The following ABHD2 variants were observed in gnomAD, a reference collection of about 807,000 sequenced individuals.
ABHD2 encodes monoacylglycerol lipase ABHD2.
In ABHD2, 20 loss-of-function variants were observed where a neutral mutation model predicts 48.1. That is an observed-to-expected ratio of 0.42 (90% confidence interval 0.29 to 0.60). ABHD2 has a LOEUF of 0.60. ABHD2 is among the 20% of genes least tolerant of loss of function. The probability of loss-of-function intolerance (pLI) is 0.24; values close to 1 mark genes in which losing one functional copy is unlikely to be tolerated. For missense variants in ABHD2, 405 were observed against 550.9 expected, an observed-to-expected ratio of 0.74 and a Z score of 2.65; for synonymous variants, 209 against 214.2, an observed-to-expected ratio of 0.98 and a Z score of 0.21.
rs757452297 is a variant in ABHD2 at position 89,186,287 on chromosome 15, C to T, written c.815+771C>T. On this transcript the variant is annotated intron_variant, in intron 7 of 10. Transcript: ENST00000352732. This position sits in a 1 kb window ranked among gnomAD's most constrained non-coding sequence, Gnocchi z 4.3. ...ATTCTTCATGCTTGTCCTGCCTCTC[C>T]GCCTCGTAATCCTGTGGTGGGTTAA... Among the ~76,000 whole-genome samples the T allele has an allele frequency of 2.0e-5, 3 of 152,148 alleles. No homozygotes were observed. Among genetic ancestry groups the T allele is most frequent in the Admixed American group, 1.3e-4 (2 of 15,280 alleles).
the ABHD2 span, among the ~76,000 whole-genome samples, chr15:89,059,480 A>G: frequency 6.6e-6 from 1 of 152,288 alleles, no homozygotes; most frequent in East Asian, 1.9e-4. Flanking sequence ...GTCACAACTC[A>G]TAACTTGGGA....
chr15:89,109,431 G>T (rs7180861), intron 1 of ABHD2, among the ~76,000 whole-genome samples: 5,296 of 152,248 alleles, frequency 0.035, 304 homozygotes, highest in African/African-American at 0.12. Flanking sequence ...AGGGACACAG[G>T]AAGCCCAGCC....
chr15:89,170,383 C>T (rs553226016), intron 5 of ABHD2, among the ~76,000 whole-genome samples: 116 of 152,164 alleles, frequency 7.6e-4, no homozygotes, highest in Admixed American at 1.5e-3. Context: ...AAGCATCAGC[C>T]ACCGCGCCCG....
chr15:89,146,355 C>CGTGTGTGTGTGTGTGTGTGTGTGTGT lies in ABHD2; in HGVS notation c.195-5303_195-5278dup, dbSNP rs4032279. 3.3e-5 allele frequency among the ~76,000 whole-genome samples: 4 copies of CGTGTGTGTGTGTGTGTGTGTGTGTGT among 121,552 alleles called. No individual in the cohort carries two copies. The highest frequency in any genetic ancestry group is 9.4e-5 in the African/African-American group (3 of 31,826). The allele number at this position is 121,552 out of a possible 152,430, so 79.7% of individuals were successfully genotyped here. On this transcript the variant is annotated intron_variant, in intron 3 of 10. Transcript: ENST00000352732. The surrounding 1 kb of genome is among the most constrained non-coding windows in gnomAD (Gnocchi z 4.2). ...TGAGCTTCATCTGCTCAAAGACGTA[C>CGTGTGTGTGTGTGTGTGTGTGTGTGT]GTGTGTGTGTGTGTGTGTGTGTGTG... is the stretch of plus-strand genomic sequence containing the variant.
chr15:89,062,116 A>G, the ABHD2 span, among the ~76,000 whole-genome samples: 1 of 152,124 alleles, frequency 6.6e-6, no homozygotes, highest in Admixed American at 6.5e-5. Flanking sequence ...AAAAATAGGA[A>G]TGCTGGAAGA....
At chr15:89,133,200 CAG>C (rs1197517724) in intron 3 of ABHD2, among the ~76,000 whole-genome samples, 2 of 152,184 alleles carry the variant, frequency 1.3e-5, no homozygotes, top group Non-Finnish European at 2.9e-5. Context: ...AAATATCACT[CAG>C]AGATTTGTCC....
At chr15:89,082,731 A>G (rs951785817), upstream of ABHD2, 1 of 151,048 alleles carries the variant, frequency 6.6e-6, no homozygotes, top group Non-Finnish European at 1.5e-5. The surrounding 1 kb of genome is among the most constrained non-coding windows in gnomAD (Gnocchi z 4.4). Flanking sequence ...ATGGGACTTC[A>G]TGATTCTGTC....
At position 89,179,284 on chromosome 15, in the gene ABHD2, G is replaced by A. The variant is rs2051068580; in HGVS notation, c.722+3289G>A. 6.6e-6 allele frequency among the ~76,000 whole-genome samples: 1 copy of A among 152,154 alleles called. No individual in the cohort carries two copies. The highest frequency in any genetic ancestry group is 6.5e-5 in the Admixed American group (1 of 15,276). On this transcript the variant is annotated intron_variant, in intron 6 of 10. Transcript: ENST00000352732. This position sits in a 1 kb window ranked among gnomAD's most constrained non-coding sequence, Gnocchi z 4.3. ...ACAGCAGGAGGTGAGCGGTGGGCAG[G>A]TCACAGTGGGCAAAGCAGTAGGGAA...
chr15:89,095,533 C>T lies in ABHD2; in HGVS notation c.-107+6970C>T, dbSNP rs150683897. ...GTGGGAGGGGGCTGAGGTGAGACCC[C>T]AGCAACCTGCTGGAATTAAGTAAGG... On this transcript the variant is annotated intron_variant, in intron 1 of 10. Coordinates refer to ENST00000352732, the MANE Select transcript of ABHD2 (RefSeq NM_152924.5). 1.6e-3 allele frequency among the ~76,000 whole-genome samples: 243 copies of T among 152,312 alleles called. 2 individuals carry two copies. Among genetic ancestry groups the T allele is most frequent in the African/African-American group, 5.5e-3 (229 of 41,554 alleles).
chr15:89,176,088 G>A lies in ABHD2; in HGVS notation c.722+93G>A. Reference sequence around the variant, plus strand: ...AACACACTGTTCTGTGAAGACCGGGGAACACTGTGGCCGACTGAGTAGAAG... The same window carrying A: ...AACACACTGTTCTGTGAAGACCGGGAAACACTGTGGCCGACTGAGTAGAAG... On this transcript the variant is annotated intron_variant, in intron 6 of 10. Transcript: ENST00000352732. The surrounding 1 kb of genome is among the most constrained non-coding windows in gnomAD (Gnocchi z 4.5). 3 of 1,333,898 alleles carry A rather than the reference G, an allele frequency of 2.2e-6. No individual in the cohort carries two copies. Among genetic ancestry groups the A allele is most frequent in the Non-Finnish European group, 3.1e-6 (3 of 980,380 alleles). 82.6% of individuals were successfully genotyped at this position (1,333,898 alleles called of 1,614,324 possible).
intron 5 of ABHD2, among the ~76,000 whole-genome samples, chr15:89,157,800 G>A (rs1399602358): frequency 6.6e-6 from 1 of 151,778 alleles, no homozygotes; most frequent in African/African-American, 2.4e-5. Context: ...CTGAGATCGC[G>A]CCACTGCACT....
Position 89,092,777 on chromosome 15 carries a change from A to G in ABHD2, c.-107+4214A>G, listed in dbSNP as rs1442703588. On this transcript the variant is annotated intron_variant, in intron 1 of 10. Transcript: ENST00000352732. The surrounding 1 kb of genome is among the most constrained non-coding windows in gnomAD (Gnocchi z 4.4). ...TTTGGAACCTTGCCTTTTTCACTTA[A>G]TATTTCTTGGCAGTGTGAAAAGAGC... 6.6e-6 allele frequency among the ~76,000 whole-genome samples: 1 copy of G among 152,198 alleles called. No homozygotes were observed. Among genetic ancestry groups the G allele is most frequent in the African/African-American group, 2.4e-5 (1 of 41,436 alleles).
Position 89,094,158 on chromosome 15 carries a change from C to T in ABHD2, c.-107+5595C>T, listed in dbSNP as rs1342709809. On this transcript the variant is annotated intron_variant, in intron 1 of 10. Transcript: ENST00000352732. The surrounding 1 kb of genome is among the most constrained non-coding windows in gnomAD (Gnocchi z 4.7). ...GAGAGGGAGGTGGTGTTATCAGTTC[C>T]ACTTTTTCCAGGCTAGAGTGCAGTG... 1 of 152,090 alleles carries T rather than the reference C, an allele frequency of 6.6e-6. No individual in the cohort carries two copies. The allele number at this position is 152,090 out of a possible 1,614,324, so 9.4% of individuals were successfully genotyped here. A position where few individuals can be genotyped will look rare whatever the true frequency, so the allele number is the denominator to read the frequency against.
At position 89,155,825 on chromosome 15, in the gene ABHD2, C is replaced by T. The variant is rs2050664282; in HGVS notation, c.538+291C>T. On this transcript the variant is annotated intron_variant, in intron 5 of 10. Transcript: ENST00000352732. The surrounding 1 kb of genome is among the most constrained non-coding windows in gnomAD (Gnocchi z 4.9). ...GTAAGAGTCACAGCAGGGCTGGGAG[C>T]CAGGTAGATCGGGTAGCAGAGCTCA... Among the ~76,000 whole-genome samples the T allele has an allele frequency of 6.6e-6, 1 of 152,138 alleles. No individual in the cohort carries two copies. Among genetic ancestry groups the T allele is most frequent in the Non-Finnish European group, 1.5e-5 (1 of 68,028 alleles).
At position 89,151,918 on chromosome 15, in the gene ABHD2, A is replaced by C. The variant is rs1369219236; in HGVS notation, c.370+66A>C. On this transcript the variant is annotated intron_variant, in intron 4 of 10. Coordinates refer to ENST00000352732, the MANE Select transcript of ABHD2 (RefSeq NM_152924.5). This position sits in a 1 kb window ranked among gnomAD's most constrained non-coding sequence, Gnocchi z 4.7. The stretch of plus-strand genomic sequence containing the variant: ...GAAGGAGCACTAGTCAGTGGAGAGC[A>C]CAGCAGTGTGAATACTTGTGCCACT... The C allele has an allele frequency of 3.2e-6, 5 of 1,557,454 alleles. No individual in the cohort carries two copies. Among genetic ancestry groups the C allele is most frequent in the Non-Finnish European group, 4.4e-6 (5 of 1,148,608 alleles).
chr15:89,048,917 G>A, the ABHD2 span, among the ~76,000 whole-genome samples: 6 of 103,740 alleles, frequency 5.8e-5, no homozygotes, highest in African/African-American at 1.3e-4. Context: ...CATTTGTTCC[G>A]TTGCTGGTGA....
Position 89,188,088 on chromosome 15 carries a change from C to T in ABHD2, c.816-105C>T. 1.2e-6 allele frequency: 1 copy of T among 841,252 alleles called. No homozygotes were observed. The highest frequency in any genetic ancestry group is 2.0e-6 in the Non-Finnish European group (1 of 507,190). The allele number at this position is 841,252 out of a possible 1,614,324, so 52.1% of individuals were successfully genotyped here. On this transcript the variant is annotated intron_variant, in intron 7 of 10. Coordinates refer to ENST00000352732, the MANE Select transcript of ABHD2 (RefSeq NM_152924.5). The surrounding 1 kb of genome is among the most constrained non-coding windows in gnomAD (Gnocchi z 4.1). ...GGCTAAAGGTTCTATTTCTAACTGA[C>T]CACGTTGGCTCTCCCTCCTGGCTTG...
intron 10 of ABHD2, 74 bp downstream of exon 10, chr15:89,193,393 C>A: frequency 8.3e-7 from 1 of 1,198,018 alleles, no homozygotes. Context: ...CTTCACCATG[C>A]TGTCATCTCC....
chr15:89,172,437 A>G (rs1374042666), intron 5 of ABHD2, among the ~76,000 whole-genome samples: 1 of 152,236 alleles, frequency 6.6e-6, no homozygotes. Context: ...TCCATGCTGT[A>G]GCATGTGACG....
Sources: gnomAD v4.1 joint callset for allele counts (sites outside exome capture counted in the v4.1 genomes callset) on GRCh38, gnomAD v4.1.1 for gene constraint, Gnocchi (gnomAD v3.1) non-coding constraint, MANE v1.5 for transcripts, NCBI Gene and HGNC (gene_info 2026-07-23, HGNC 2026-07-21) for gene names.